Variants in TTC7B observed in about 807,000 individuals in gnomAD.
TTC7B encodes the protein tetratricopeptide repeat protein 7B.
A neutral mutation model predicts 106.8 loss-of-function variants in TTC7B; 28 were observed. The ratio of observed to expected loss-of-function variants is 0.26; its 90% CI spans 0.19 to 0.36. The LOEUF (loss-of-function observed/expected upper bound fraction) is 0.36, where lower values mean the gene tolerates loss of function less well. Ranked by LOEUF, TTC7B falls within the 10% of genes least tolerant of loss-of-function variation. The pLI is 1.00. For synonymous variants in TTC7B, 405 were observed against 430.6 expected, an observed-to-expected ratio of 0.94 and a Z score of 0.74; for missense variants, 862 against 1,076.4, an observed-to-expected ratio of 0.80 and a Z score of 2.79.
intron 1 of TTC7B, among the ~76,000 whole-genome samples, chr14:90,803,828 AC>A (rs2030425701): frequency 6.6e-6 from 1 of 152,150 alleles, no homozygotes; most frequent in Non-Finnish European, 1.5e-5. Flanking sequence ...ACACACACAC[AC>A]ACACACAATT....
At chr14:90,652,937 C>T in intron 12 of TTC7B, 39 bp from the exon 13 acceptor site, 1 of 1,609,660 alleles carries the variant, frequency 6.2e-7, no homozygotes, top group Non-Finnish European at 8.5e-7. Flanking sequence ...CATGGGGGAT[C>T]AGGGAATTTT....
intron 1 of TTC7B, among the ~76,000 whole-genome samples, chr14:90,804,186 T>G (rs1229406936): frequency 6.6e-6 from 1 of 151,806 alleles, no homozygotes; most frequent in African/African-American, 2.4e-5. Context: ...ATACAAAAAA[T>G]TAGCCGGGCG....
At chr14:90,730,047 T>C (rs1211755335) in intron 5 of TTC7B, 28 bp downstream of exon 5, 1 of 1,587,106 alleles carries the variant, frequency 6.3e-7, no homozygotes, top group Non-Finnish European at 8.5e-7. Context: ...CTTTAGGAAG[T>C]GGATTTAAAA....
At chr14:90,679,769 C>T (rs1311443974) in intron 8 of TTC7B, among the ~76,000 whole-genome samples, 4 of 152,176 alleles carry the variant, frequency 2.6e-5, no homozygotes, top group Admixed American at 6.5e-5. Context: ...AGGGCCACAG[C>T]GCCTAGTGAT....
intron 3 of TTC7B, 67 bp from the exon 4 acceptor site, chr14:90,744,989 G>C: frequency 6.7e-7 from 1 of 1,496,194 alleles, no homozygotes; most frequent in Non-Finnish European, 9.2e-7. Flanking sequence ...TTTAAATATT[G>C]CTCTAGAGGG....
In TTC7B at chr14:90,689,649, G is replaced by A. The variant is rs754704247; in HGVS notation, c.841C>T (p.Pro281Ser). The part of the protein sequence containing the change: ...RGMCEQSYWN[P>S]LEDPPCQSPL... ...GACTGGCACGGTGGATCCTCCAGAG[G>A]GTTCCAGTAGCTCTGCTCACACATA... The change falls in exon 7 of 20, where the codon CCT becomes TCT. Residue 281 changes from proline (P) to serine (S), a missense_variant. Physicochemically the swap from Pro to Ser is moderately conservative, Grantham distance 74 (BLOSUM62 -1). Transcript: ENST00000328459. The A allele has an allele frequency of 3.1e-6, 5 of 1,614,026 alleles. No individual in the cohort carries two copies. The East Asian group carries it at 1.1e-4, about 36-fold the overall frequency.
chr14:90,793,556 T>A (rs976905596), intron 1 of TTC7B, among the ~76,000 whole-genome samples: 1 of 151,392 alleles, frequency 6.6e-6, no homozygotes, highest in Non-Finnish European at 1.5e-5. Flanking sequence ...CTTTCCTTTA[T>A]AAATTACCCA....
At chr14:90,557,914 G>A (rs1037969142) in intron 19 of TTC7B, among the ~76,000 whole-genome samples, 9 of 152,230 alleles carry the variant, frequency 5.9e-5, no homozygotes, top group Non-Finnish European at 1.5e-5. Context: ...TGGTGCAGAG[G>A]AGAAGAGCTG....
At chr14:90,545,440 T>A (rs575378988) in intron 19 of TTC7B, among the ~76,000 whole-genome samples, 285 of 152,290 alleles carry the variant, frequency 1.9e-3, no homozygotes, top group African/African-American at 6.6e-3. Flanking sequence ...CTGGCTCAGA[T>A]CTGTGTCTTA....
chr14:90,567,078 G>A (rs572278612), intron 19 of TTC7B, among the ~76,000 whole-genome samples: 1 of 152,344 alleles, frequency 6.6e-6, no homozygotes, highest in African/African-American at 2.4e-5. Flanking sequence ...AGGGCCCAGA[G>A]CAGGCATCCG....
At chr14:90,796,719 A>T (rs191399153) in intron 1 of TTC7B, among the ~76,000 whole-genome samples, 121 of 152,306 alleles carry the variant, frequency 7.9e-4, no homozygotes, top group African/African-American at 2.4e-3. Context: ...AAGTATTTAG[A>T]TCTATTCAAA....
intron 19 of TTC7B, among the ~76,000 whole-genome samples, chr14:90,547,060 G>A (rs1009235692): frequency 5.3e-5 from 8 of 152,198 alleles, no homozygotes; most frequent in Non-Finnish European, 1.0e-4. Flanking sequence ...CCCCAGCACT[G>A]GTGTTCCTGC....
chr14:90,766,385 C>A lies in TTC7B; in HGVS notation c.445+14353G>T, dbSNP rs1890682497. The A allele has an allele frequency of 6.4e-6, 3 of 471,580 alleles. No homozygotes were observed. The South Asian group carries it at 7.0e-5, about 11-fold the overall frequency. The allele number at this position is 471,580 out of a possible 1,614,324, so 29.2% of individuals were successfully genotyped here. On this transcript the variant is annotated intron_variant, in intron 3 of 19. Transcript: ENST00000328459. The stretch of plus-strand genomic sequence containing the variant: ...AAGAAACACCCATTTTAAAGATGCT[C>A]AAGAGACTAAAGGAAGATGTGGTGA...
intron 4 of TTC7B, among the ~76,000 whole-genome samples, chr14:90,740,222 C>T (rs1306491012): frequency 6.6e-6 from 1 of 152,136 alleles, no homozygotes; most frequent in Non-Finnish European, 1.5e-5. Flanking sequence ...CAGAGGAACA[C>T]CTGGAAAGCT....
At chr14:90,760,084 A>T (rs1259039290) in intron 3 of TTC7B, among the ~76,000 whole-genome samples, 1 of 152,220 alleles carries the variant, frequency 6.6e-6, no homozygotes, top group Non-Finnish European at 1.5e-5. Flanking sequence ...AGCTATAAAT[A>T]GAGGTGGAAT....
chr14:90,657,378 T>A lies in TTC7B; in HGVS notation c.1237-100A>T, dbSNP rs1885994516. The stretch of plus-strand genomic sequence containing the variant: ...GTTTTTGGTCAGGGTGACCTCCTCG[T>A]GGGCTTGTCCAACTTTAAGCCCAAG... On this transcript the variant is annotated intron_variant, in intron 10 of 19. Transcript: ENST00000328459. The surrounding 1 kb of genome is among the most constrained non-coding windows in gnomAD (Gnocchi z 4.2). 2 of 1,135,590 alleles carry A rather than the reference T, an allele frequency of 1.8e-6. No homozygotes were observed. Among genetic ancestry groups the A allele is most frequent in the Admixed American group, 4.4e-5 (2 of 45,888 alleles). The allele number at this position is 1,135,590 out of a possible 1,614,324, so 70.3% of individuals were successfully genotyped here.
At chr14:90,721,454 C>T (rs1278312124) in intron 5 of TTC7B, among the ~76,000 whole-genome samples, 1 of 152,224 alleles carries the variant, frequency 6.6e-6, no homozygotes, top group Admixed American at 6.5e-5. Flanking sequence ...ACCTAGCCCA[C>T]ATTTAAACAG....
At chr14:90,654,516 T>G (rs1393585342) in intron 12 of TTC7B, among the ~76,000 whole-genome samples, 2 of 152,176 alleles carry the variant, frequency 1.3e-5, no homozygotes, top group Admixed American at 6.5e-5. Context: ...GCTGCTGCAC[T>G]GCACATGTAC....
intron 1 of TTC7B, among the ~76,000 whole-genome samples, chr14:90,811,846 G>A (rs2030916918): frequency 2.0e-5 from 3 of 152,216 alleles, no homozygotes; most frequent in African/African-American, 7.2e-5. Context: ...GGCTGGGGAA[G>A]GCGGGAAGCC....
Sources: gnomAD v4.1 joint callset for allele counts (sites outside exome capture counted in the v4.1 genomes callset) on GRCh38, gnomAD v4.1.1 for gene constraint, Gnocchi (gnomAD v3.1) non-coding constraint, MANE v1.5 for transcripts, NCBI Gene and HGNC (gene_info 2026-07-23, HGNC 2026-07-21) for gene names.